CNTNAP5: variants seen among roughly 807,000 people sequenced by gnomAD.
CNTNAP5 encodes the protein contactin associated protein family member 5.
A neutral mutation model predicts 150.2 loss-of-function variants in CNTNAP5; 72 were observed. The observed-to-expected ratio is 0.48, with a 90% CI of 0.40 to 0.58. CNTNAP5 has a LOEUF of 0.58. CNTNAP5 is among the 20% of genes least tolerant of loss of function. The pLI, the probability that CNTNAP5 is intolerant of heterozygous loss-of-function variation, is 0.00. For missense variants in CNTNAP5, 1,636 were observed against 1,626.2 expected (o/e 1.01, Z -0.10); for synonymous variants, 672 against 619.8 (o/e 1.08, Z -1.25).
intron 10 of CNTNAP5, among the ~76,000 whole-genome samples, chr2:124,558,220 G>A (rs923083805): frequency 6.6e-6 from 1 of 152,162 alleles, no homozygotes; most frequent in Admixed American, 6.6e-5. Context: ...GAACATCAGG[G>A]GAGGGGTGAT....
chr2:124,395,789 G>A (rs6722483), intron 3 of CNTNAP5, among the ~76,000 whole-genome samples: 13,352 of 152,026 alleles, frequency 0.088, 754 homozygotes, highest in African/African-American at 0.16. Context: ...ACACACACAC[G>A]TGCACGCACA....
At chr2:124,300,822 G>C (rs1688554749) in intron 3 of CNTNAP5, among the ~76,000 whole-genome samples, 1 of 152,120 alleles carries the variant, frequency 6.6e-6, no homozygotes, top group Non-Finnish European at 1.5e-5. Context: ...ATTAAACAAA[G>C]GTAACCAGAG....
At chr2:124,701,116 C>A (rs1459422461) in intron 13 of CNTNAP5, among the ~76,000 whole-genome samples, 1 of 152,084 alleles carries the variant, frequency 6.6e-6, no homozygotes, top group Non-Finnish European at 1.5e-5. Context: ...CTTGGTCCTC[C>A]TGCATGGCTG....
intron 3 of CNTNAP5, among the ~76,000 whole-genome samples, chr2:124,300,779 C>T (rs577569903): frequency 4.7e-4 from 71 of 152,316 alleles, no homozygotes; most frequent in African/African-American, 1.6e-3. Flanking sequence ...TGAGGGACAA[C>T]AGCAGCTTTT....
intron 11 of CNTNAP5, among the ~76,000 whole-genome samples, chr2:124,588,800 G>A (rs1402739258): frequency 6.6e-6 from 1 of 152,052 alleles, no homozygotes; most frequent in African/African-American, 2.4e-5. Context: ...AGAAAATGAA[G>A]TACAGATGCC....
At chr2:124,289,731 T>G (rs1284197195) in intron 3 of CNTNAP5, among the ~76,000 whole-genome samples, 1 of 152,144 alleles carries the variant, frequency 6.6e-6, no homozygotes, top group Non-Finnish European at 1.5e-5. Flanking sequence ...GCTGGACAGA[T>G]TAAAGAATTA....
chr2:124,084,688 A>C (rs1341871429), intron 1 of CNTNAP5, among the ~76,000 whole-genome samples: 2 of 152,064 alleles, frequency 1.3e-5, no homozygotes, highest in African/African-American at 2.4e-5. Flanking sequence ...ACATATACTT[A>C]ATGAAGGTAT....
At chr2:124,309,058 G>A (rs1413113395) in intron 3 of CNTNAP5, among the ~76,000 whole-genome samples, 1 of 152,030 alleles carries the variant, frequency 6.6e-6, no homozygotes, top group African/African-American at 2.4e-5. Flanking sequence ...TTTTTTCCTA[G>A]ACATACACAC....
chr2:124,567,886 G>T (rs74979430), intron 11 of CNTNAP5, among the ~76,000 whole-genome samples: 40 of 141,774 alleles, frequency 2.8e-4, no homozygotes, highest in African/African-American at 6.7e-4. Context: ...GATAGATATA[G>T]ATAGATAGAT....
chr2:124,096,451 C>A (rs1475833879), intron 1 of CNTNAP5, among the ~76,000 whole-genome samples: 1 of 152,066 alleles, frequency 6.6e-6, no homozygotes, highest in Non-Finnish European at 1.5e-5. Context: ...CAATTGCTGG[C>A]AACTTAGTAT....
At chr2:124,737,179 T>C (rs1470535899) in intron 13 of CNTNAP5, among the ~76,000 whole-genome samples, 1 of 151,486 alleles carries the variant, frequency 6.6e-6, no homozygotes, top group Non-Finnish European at 1.5e-5. Flanking sequence ...TAATCCCAAC[T>C]ACTCAGGAGG....
chr2:124,324,880 G>T (rs1689179511), intron 3 of CNTNAP5, among the ~76,000 whole-genome samples: 1 of 152,116 alleles, frequency 6.6e-6, no homozygotes, highest in African/African-American at 2.4e-5. Context: ...GAGTTTCAAG[G>T]CAATCTTGAT....
At chr2:124,819,448 G>A (rs947141226) in intron 19 of CNTNAP5, among the ~76,000 whole-genome samples, 1 of 151,978 alleles carries the variant, frequency 6.6e-6, no homozygotes, top group African/African-American at 2.4e-5. Flanking sequence ...GCTTTGTTGG[G>A]AATTTTAATC....
At chr2:124,423,511 T>C (rs1692162960) in intron 4 of CNTNAP5, among the ~76,000 whole-genome samples, 1 of 152,020 alleles carries the variant, frequency 6.6e-6, no homozygotes, top group Non-Finnish European at 1.5e-5. Context: ...TAATTAACTT[T>C]ATTTATTTAT....
intron 11 of CNTNAP5, among the ~76,000 whole-genome samples, chr2:124,602,072 C>T (rs139175150): frequency 0.068 from 10,373 of 152,056 alleles, 1,216 homozygotes; most frequent in African/African-American, 0.24. Context: ...CGGCCAGGCG[C>T]GGTGGCTCAC....
chr2:124,245,310 G>C (rs903276838), intron 3 of CNTNAP5, among the ~76,000 whole-genome samples: 1 of 152,064 alleles, frequency 6.6e-6, no homozygotes, highest in Non-Finnish European at 1.5e-5. Context: ...ATATTTATTG[G>C]TGATTTCATC....
intron 1 of CNTNAP5, among the ~76,000 whole-genome samples, chr2:124,214,990 G>A (rs937404437): frequency 4.6e-5 from 7 of 152,116 alleles, no homozygotes; most frequent in Non-Finnish European, 1.5e-5. Flanking sequence ...GAAGAATGGG[G>A]GCAGGGTCAG....
chr2:124,199,707 G>A (rs1558797980), intron 1 of CNTNAP5, among the ~76,000 whole-genome samples: 1 of 152,214 alleles, frequency 6.6e-6, no homozygotes, highest in Non-Finnish European at 1.5e-5. Flanking sequence ...GAGCCACCTC[G>A]CCTGGCTGGT....
chr2:124,798,344 A>T (rs1461163742), intron 19 of CNTNAP5, 24 bp downstream of exon 19: 12 of 1,551,560 alleles, frequency 7.7e-6, no homozygotes, highest in Non-Finnish European at 1.1e-5. Flanking sequence ...CATGATACCC[A>T]GCGGAGTCTC....
Sources: gnomAD v4.1 joint callset for allele counts (sites outside exome capture counted in the v4.1 genomes callset) on GRCh38, gnomAD v4.1.1 for gene constraint, MANE v1.5 for transcripts, NCBI Gene and HGNC (gene_info 2026-07-23, HGNC 2026-07-21) for gene names.